Variants in ANK3 observed in about 807,000 individuals in gnomAD.
ANK3 encodes the protein ankyrin 3, also known as ankyrin-3.
Under a neutral mutation model 370.9 loss-of-function variants are expected in ANK3, and 57 were observed. That is an observed-to-expected ratio of 0.15 (90% CI 0.12 to 0.19). The LOEUF (loss-of-function observed/expected upper bound fraction) is 0.19. Among genes scored for constraint, ANK3 ranks in the 10% least tolerant of loss-of-function variants. The pLI is 1.00. For missense variants in ANK3, 4,439 were observed against 5,302.1 expected, an observed-to-expected ratio of 0.84 and a Z score of 5.06; for synonymous variants, 1,929 against 1,946.3, an observed-to-expected ratio of 0.99 and a Z score of 0.23.
intron 2 of ANK3, among the ~76,000 whole-genome samples, chr10:60,442,299 T>A (rs1363847283): frequency 2.0e-5 from 3 of 152,048 alleles, no homozygotes; most frequent in African/African-American, 7.2e-5. Context: ...TTTCACAAAA[T>A]TGGTCAGGCT....
chr10:60,489,200 G>A (rs918323395), intron 2 of ANK3, among the ~76,000 whole-genome samples: 4 of 152,140 alleles, frequency 2.6e-5, no homozygotes, highest in Non-Finnish European at 5.9e-5. Flanking sequence ...GTTACCCTGT[G>A]CCAAGATAGC....
At chr10:60,046,883 T>G (rs974950392) in intron 42 of ANK3, among the ~76,000 whole-genome samples, 1 of 150,404 alleles carries the variant, frequency 6.6e-6, no homozygotes, top group African/African-American at 2.5e-5. Flanking sequence ...CTTGGCTCAC[T>G]GCAAGCTCCG....
chr10:60,103,631 T>C (rs576141516), intron 28 of ANK3, among the ~76,000 whole-genome samples: 1 of 152,314 alleles, frequency 6.6e-6, no homozygotes, highest in Admixed American at 6.5e-5. Flanking sequence ...AAAATGTGTG[T>C]AGTGGTTGCT....
chr10:60,629,822 T>C (rs1377464805), intron 1 of ANK3, among the ~76,000 whole-genome samples: 2 of 152,212 alleles, frequency 1.3e-5, no homozygotes, highest in East Asian at 3.8e-4. Flanking sequence ...AATTTATATT[T>C]TTTTAAATAC....
chr10:60,716,681 CT>C (rs1282633073), intron 1 of ANK3, among the ~76,000 whole-genome samples: 1 of 151,894 alleles, frequency 6.6e-6, no homozygotes, highest in African/African-American at 2.4e-5. Context: ...GCCCGGCTAA[CT>C]TTTTTTTACT....
intron 2 of ANK3, among the ~76,000 whole-genome samples, chr10:60,550,451 TAA>T (rs1428072168): frequency 4.6e-5 from 7 of 151,994 alleles, no homozygotes; most frequent in East Asian, 3.9e-4. Context: ...TTAGAGTTTT[TAA>T]AAGAGTATAG....
At chr10:60,677,680 C>A (rs2079143219) in intron 1 of ANK3, among the ~76,000 whole-genome samples, 1 of 150,256 alleles carries the variant, frequency 6.7e-6, no homozygotes, top group South Asian at 2.1e-4. Flanking sequence ...CTGGCTTTTT[C>A]ATTGAAGCAT....
At chr10:60,646,035 G>T (rs1479240047) in intron 1 of ANK3, among the ~76,000 whole-genome samples, 1 of 150,568 alleles carries the variant, frequency 6.6e-6, no homozygotes, top group Non-Finnish European at 1.5e-5. Context: ...GGAAGAGAAG[G>T]AGCTCTTAGG....
chr10:60,610,735 T>A (rs1236102732), intron 2 of ANK3, among the ~76,000 whole-genome samples: 1 of 152,210 alleles, frequency 6.6e-6, no homozygotes, highest in Non-Finnish European at 1.5e-5. Flanking sequence ...AATGGATGAT[T>A]CTTCCACCTT....
At chr10:60,412,453 T>G (rs1458403945) in intron 2 of ANK3, among the ~76,000 whole-genome samples, 2 of 152,176 alleles carry the variant, frequency 1.3e-5, no homozygotes, top group African/African-American at 4.8e-5. Context: ...GCCTTCGGAC[T>G]GGGACTACAT....
At chr10:60,053,022 C>T (rs990301406) in intron 42 of ANK3, among the ~76,000 whole-genome samples, 6 of 152,152 alleles carry the variant, frequency 3.9e-5, no homozygotes, top group Non-Finnish European at 8.8e-5. Context: ...ACAAACCACC[C>T]CACTGAATAA....
intron 1 of ANK3, among the ~76,000 whole-genome samples, chr10:60,287,746 C>T (rs1468577238): frequency 1.3e-5 from 2 of 152,128 alleles, no homozygotes; most frequent in African/African-American, 4.8e-5. Flanking sequence ...TGATAGCAAG[C>T]CCAGGCTCTT....
chr10:60,690,906 T>G (rs933541004), intron 1 of ANK3, among the ~76,000 whole-genome samples: 2 of 152,216 alleles, frequency 1.3e-5, no homozygotes, highest in Admixed American at 6.5e-5. Flanking sequence ...AATTCTAATT[T>G]TATTTAAATA....
intron 24 of ANK3, chr10:60,138,370 G>C (rs2094440319): frequency 7.6e-6 from 2 of 263,034 alleles, no homozygotes; most frequent in Non-Finnish European, 7.1e-6. Flanking sequence ...CACTTCAGTT[G>C]TAAGAACTGA....
chr10:60,141,768 C>A (rs1171479009), intron 23 of ANK3, among the ~76,000 whole-genome samples: 1 of 151,934 alleles, frequency 6.6e-6, no homozygotes, highest in Non-Finnish European at 1.5e-5. Context: ...GGGGAAAAAT[C>A]TGTTTTCCCT....
At chr10:60,375,890 C>A (rs2060708910) in intron 1 of ANK3, among the ~76,000 whole-genome samples, 1 of 152,208 alleles carries the variant, frequency 6.6e-6, no homozygotes, top group Non-Finnish European at 1.5e-5. Context: ...AATAAACCCT[C>A]ATTTCTTCCA....
chr10:60,439,595 T>A (rs1375871900), intron 2 of ANK3, among the ~76,000 whole-genome samples: 2 of 152,204 alleles, frequency 1.3e-5, no homozygotes, highest in African/African-American at 4.8e-5. Flanking sequence ...GCAGCCACCA[T>A]GGGACATTTT....
At chr10:60,701,938 A>G (rs1249916380) in intron 1 of ANK3, among the ~76,000 whole-genome samples, 1 of 152,192 alleles carries the variant, frequency 6.6e-6, no homozygotes, top group Non-Finnish European at 1.5e-5. Flanking sequence ...ATAATTATAA[A>G]TAAAACTTTA....
chr10:60,241,349 A>G (rs1245229686), intron 7 of ANK3, among the ~76,000 whole-genome samples: 1 of 152,192 alleles, frequency 6.6e-6, no homozygotes, highest in African/African-American at 2.4e-5. Context: ...AATTTTATAT[A>G]TATTAGTTTC....
Sources: gnomAD v4.1 joint callset for allele counts (sites outside exome capture counted in the v4.1 genomes callset) on GRCh38, gnomAD v4.1.1 for gene constraint, MANE v1.5 for transcripts, NCBI Gene and HGNC (gene_info 2026-07-23, HGNC 2026-07-21) for gene names.